Variants in CNTLN observed in about 807,000 individuals in gnomAD.
CNTLN encodes the protein centlein, centrosomal protein.
A neutral mutation model predicts 180.0 loss-of-function variants in CNTLN; 212 were observed. The observed-to-expected ratio is 1.18, with a 90% CI of 1.05 to 1.32. The LOEUF is 1.32. Ranked by LOEUF, CNTLN falls within the 40% of genes most tolerant of loss-of-function variation. The pLI is 0.00. For missense variants in CNTLN, 2,095 were observed against 1,610.9 expected (o/e 1.30, Z -5.14); for synonymous variants, 722 against 563.1 (o/e 1.28, Z -3.99).
chr9:17,508,864 G>C (rs1368680501), downstream of CNTLN, among the ~76,000 whole-genome samples: 1 of 152,208 alleles, frequency 6.6e-6, no homozygotes, highest in African/African-American at 2.4e-5. Context: ...TCAGGGACTA[G>C]GAAAGAATAT....
chr9:17,265,921 TTCTC>T (rs201271346), intron 5 of CNTLN, among the ~76,000 whole-genome samples: 1 of 152,110 alleles, frequency 6.6e-6, no homozygotes, highest in Non-Finnish European at 1.5e-5. Flanking sequence ...TATTTGATTC[TTCTC>T]TCTTTTTTTC....
At chr9:17,464,724 G>A in intron 21 of CNTLN, 101 bp downstream of exon 21, 2 of 711,244 alleles carry the variant, frequency 2.8e-6, no homozygotes, top group Non-Finnish European at 4.4e-6. Flanking sequence ...AGAAAATATT[G>A]ATAGGATATG....
At position 17,498,085 on chromosome 9, in the gene CNTLN, G is replaced by T. The variant is rs188351766; in HGVS notation, c.4120-4466G>T. Among the ~76,000 whole-genome samples the T allele has an allele frequency of 2.0e-5, 3 of 151,964 alleles. No individual in the cohort carries two copies. The East Asian group carries it at 5.8e-4, about 29-fold the overall frequency. ...TTATCTTACAAGAAGTATCTTTTTG[G>T]TCATAGTCTTCAAACAGAAAACAAG... On this transcript the variant is annotated intron_variant, in intron 25 of 25. Transcript: ENST00000380647.
At chr9:17,267,331 G>C (rs528364465) in intron 5 of CNTLN, among the ~76,000 whole-genome samples, 1 of 152,236 alleles carries the variant, frequency 6.6e-6, no homozygotes, top group African/African-American at 2.4e-5. Context: ...ATTCTGGGTT[G>C]AAAATTATTT....
chr9:17,485,964 T>A (rs1486355139), intron 24 of CNTLN, among the ~76,000 whole-genome samples: 2 of 152,130 alleles, frequency 1.3e-5, no homozygotes, highest in East Asian at 3.8e-4. Context: ...CACCTCTGCC[T>A]CTGGGCAGGT....
At chr9:17,375,820 C>A (rs1259568265) in intron 13 of CNTLN, among the ~76,000 whole-genome samples, 2 of 152,126 alleles carry the variant, frequency 1.3e-5, no homozygotes, top group Admixed American at 6.5e-5. Flanking sequence ...TGTCTCACTG[C>A]TCAAATTGCA....
intron 18 of CNTLN, among the ~76,000 whole-genome samples, chr9:17,417,284 T>C (rs1277182815): frequency 2.6e-5 from 4 of 152,160 alleles, no homozygotes; most frequent in Admixed American, 6.6e-5. Context: ...TCTTTTCTTC[T>C]CTTTAATATC....
intron 3 of CNTLN, among the ~76,000 whole-genome samples, chr9:17,231,425 T>C (rs188048147): frequency 3.9e-5 from 6 of 152,232 alleles, no homozygotes; most frequent in African/African-American, 1.4e-4. Flanking sequence ...AATTGCCTTT[T>C]TTTGGGTAAG....
intron 13 of CNTLN, among the ~76,000 whole-genome samples, chr9:17,383,907 A>G (rs1930647): frequency 0.82 from 124,024 of 152,076 alleles, 51,056 homozygotes; most frequent in Non-Finnish European, 0.87. Flanking sequence ...CAAAGTACTG[A>G]GATTACAGGC....
At chr9:17,268,789 G>C (rs779073841) in intron 5 of CNTLN, among the ~76,000 whole-genome samples, 1 of 151,866 alleles carries the variant, frequency 6.6e-6, no homozygotes, top group East Asian at 1.9e-4. Context: ...TTTGGTCTCA[G>C]ACTGCTGTGC....
At chr9:17,219,395 C>T (rs1189316227) in intron 2 of CNTLN, among the ~76,000 whole-genome samples, 1 of 151,814 alleles carries the variant, frequency 6.6e-6, no homozygotes, top group Non-Finnish European at 1.5e-5. Flanking sequence ...ATTCCTGTTA[C>T]AGCACCATTT....
At chr9:17,201,465 G>C (rs888067438) in intron 2 of CNTLN, among the ~76,000 whole-genome samples, 5 of 152,084 alleles carry the variant, frequency 3.3e-5, no homozygotes, top group African/African-American at 9.7e-5. Context: ...GTCTGGACCT[G>C]GGCTTTTTTT....
intron 25 of CNTLN, among the ~76,000 whole-genome samples, chr9:17,501,413 C>T (rs1564157258): frequency 1.3e-5 from 2 of 152,182 alleles, no homozygotes; most frequent in African/African-American, 4.8e-5. Context: ...TTGTTTTTGC[C>T]TGCCTGCTCT....
rs187410389 is a variant in CNTLN, at chr9:17,299,901, C to T, written c.1146+1549C>T. 8.5e-5 allele frequency: 44 copies of T among 520,534 alleles called. No individual in the cohort carries two copies. In the African/African-American group the frequency reaches 8.6e-4, roughly 10 times the overall value. The allele number at this position is 520,534 out of a possible 1,614,324, so 32.2% of individuals were successfully genotyped here. ...CTATAATTGGGTGGCTTTCTTCCTT[C>T]AGTTTTTAGCTGTCCCTTTTTAATT... On this transcript the variant is annotated intron_variant, in intron 7 of 25. Transcript: ENST00000380647.
chr9:17,197,521 C>T (rs568419759), intron 2 of CNTLN, among the ~76,000 whole-genome samples: 7 of 152,062 alleles, frequency 4.6e-5, no homozygotes, highest in African/African-American at 1.7e-4. Flanking sequence ...ACCTGTTTGC[C>T]GTTAGTATGT....
chr9:17,294,771 G>A (rs1459498056), intron 6 of CNTLN, among the ~76,000 whole-genome samples: 1 of 58,654 alleles, frequency 1.7e-5, no homozygotes, highest in Non-Finnish European at 3.5e-5. Context: ...GCCCACCGCG[G>A]GGGGAGTGAG....
rs140351994 is a variant in CNTLN, at chr9:17,379,077, T to C, written c.1988-9085T>C. 7.2e-5 allele frequency among the ~76,000 whole-genome samples: 11 copies of C among 152,234 alleles called. No homozygotes were observed. In the East Asian group the frequency reaches 2.1e-3, roughly 29 times the overall value. The stretch of plus-strand genomic sequence containing the variant: ...ATTTTTTTTTTTCTTTAGCAGTTAA[T>C]TACTCCACTGTCTTCTGGTGTGAAT... On this transcript the variant is annotated intron_variant, in intron 13 of 25. Coordinates refer to ENST00000380647, the MANE Select transcript of CNTLN (RefSeq NM_017738.4).
At chr9:17,240,081 C>G (rs575181914) in intron 5 of CNTLN, among the ~76,000 whole-genome samples, 3 of 151,864 alleles carry the variant, frequency 2.0e-5, no homozygotes, top group Non-Finnish European at 4.4e-5. Context: ...TATTAAGAAT[C>G]TTCTGATCCA....
intron 5 of CNTLN, among the ~76,000 whole-genome samples, chr9:17,249,390 C>T (rs1826001911): frequency 7.0e-6 from 1 of 141,874 alleles, no homozygotes; most frequent in Admixed American, 7.4e-5. Flanking sequence ...GCTCTATCAC[C>T]CAGGCTGGAG....
Sources: allele counts gnomAD v4.1 joint callset (sites outside exome capture counted in the v4.1 genomes callset), GRCh38; gene constraint gnomAD v4.1.1; transcripts MANE v1.5; gene names NCBI Gene and HGNC (gene_info 2026-07-23, HGNC 2026-07-21).